IL12RB1: variants seen among roughly 807,000 people sequenced by gnomAD.
The protein encoded by IL12RB1 is interleukin-12 receptor subunit beta-1.
A neutral mutation model predicts 94.4 loss-of-function variants in IL12RB1; 64 were observed. The ratio of observed to expected loss-of-function variants is 0.68; its 90% CI spans 0.55 to 0.83. The LOEUF (loss-of-function observed/expected upper bound fraction) is 0.83. IL12RB1 is among the 40% of genes least tolerant of loss of function. The probability of loss-of-function intolerance (pLI) is 0.00; values close to 1 mark genes in which losing one functional copy is unlikely to be tolerated. For missense variants in IL12RB1, 814 were observed against 855.6 expected (o/e 0.95, Z 0.61); for synonymous variants, 362 against 355.5 (o/e 1.02, Z -0.21).
intron 1 of IL12RB1, chr19:18,098,737 C>G (rs570862785): frequency 2.2e-6 from 1 of 456,690 alleles, no homozygotes; most frequent in East Asian, 6.9e-5. Context: ...GGTAGGGAAC[C>G]TGGGATTCAG....
At chr19:18,098,644 TAAGAA>T (rs1029750766) in intron 1 of IL12RB1, 11 of 452,068 alleles carry the variant, frequency 2.4e-5, no homozygotes, top group African/African-American at 6.0e-5. Flanking sequence ...GTCCCCATTA[TAAGAA>T]AAGAAAAACA....
chr19:18,059,833 G>GGC, intron 16 of IL12RB1, 61 bp downstream of exon 16: 1 of 976,022 alleles, frequency 1.0e-6, no homozygotes, highest in Non-Finnish European at 1.6e-6. Context: ...TGGATGTCTA[G>GGC]CCCCCCCACC....
At chr19:18,079,006 C>T (rs1157786984) in intron 4 of IL12RB1, among the ~76,000 whole-genome samples, 2 of 151,924 alleles carry the variant, frequency 1.3e-5, no homozygotes, top group Non-Finnish European at 2.9e-5. Context: ...TTCAAGACCA[C>T]CCTGGCCAAC....
intron 12 of IL12RB1, among the ~76,000 whole-genome samples, chr19:18,064,899 C>T (rs528395861): frequency 3.3e-5 from 5 of 152,280 alleles, no homozygotes; most frequent in South Asian, 2.1e-4. Context: ...CCATAAGACA[C>T]GCCCACCAGT....
intron 9 of IL12RB1, among the ~76,000 whole-genome samples, chr19:18,070,135 G>C (rs1474947306): frequency 6.6e-6 from 1 of 152,096 alleles, no homozygotes; most frequent in East Asian, 1.9e-4. Context: ...GCCCAGGCTG[G>C]TCTCGAACTC....
intron 2 of IL12RB1, chr19:18,083,186 C>T (rs536273322): frequency 9.4e-5 from 57 of 606,320 alleles, no homozygotes; most frequent in South Asian, 7.8e-4. Flanking sequence ...CCAATCTGAA[C>T]GGACACAGAC....
intron 1 of IL12RB1, among the ~76,000 whole-genome samples, chr19:18,097,496 C>T (rs1405313368): frequency 6.6e-6 from 1 of 152,196 alleles, no homozygotes; most frequent in African/African-American, 2.4e-5. Flanking sequence ...CTGCGCCCGG[C>T]CAATGCGCTG....
chr19:18,069,836 G>A (rs391410), intron 9 of IL12RB1, 123 bp from the exon 10 acceptor site: 215,368 of 739,282 alleles, frequency 0.29, 32,835 homozygotes, highest in East Asian at 0.39. Flanking sequence ...AGGGCCAGGG[G>A]TGTCTGTGTT....
At chr19:18,081,512 C>T (rs1300069167) in intron 3 of IL12RB1, among the ~76,000 whole-genome samples, 1 of 151,844 alleles carries the variant, frequency 6.6e-6, no homozygotes, top group Non-Finnish European at 1.5e-5. Context: ...AAGGACTGCA[C>T]CACACAGCGA....
chr19:18,066,726 C>T, intron 11 of IL12RB1, 29 bp from the exon 12 acceptor site: 1 of 1,592,710 alleles, frequency 6.3e-7, no homozygotes, highest in Non-Finnish European at 8.6e-7. Context: ...TCATAGTCAA[C>T]ACCAAGAATG....
intron 12 of IL12RB1, among the ~76,000 whole-genome samples, chr19:18,065,673 G>C (rs566544564): frequency 5.0e-4 from 76 of 152,162 alleles, no homozygotes; most frequent in African/African-American, 1.8e-3. Context: ...ACAAAAATTT[G>C]CCAGGCATGG....
chr19:18,075,607 G>C, intron 7 of IL12RB1, 142 bp downstream of exon 7: 1 of 760,418 alleles, frequency 1.3e-6, no homozygotes, highest in Non-Finnish European at 2.4e-6. Flanking sequence ...ATGTTGCCCG[G>C]GCTGGTCTCA....
intron 1 of IL12RB1, 104 bp from the exon 2 acceptor site, chr19:18,083,595 C>T: frequency 9.0e-7 from 1 of 1,110,554 alleles, no homozygotes; most frequent in Non-Finnish European, 1.3e-6. Flanking sequence ...GCCCTCCCAC[C>T]CACCCACTTT....
At chr19:18,093,046 T>C (rs1378921598) in intron 1 of IL12RB1, among the ~76,000 whole-genome samples, 6 of 152,024 alleles carry the variant, frequency 3.9e-5, no homozygotes, top group East Asian at 3.9e-4. Context: ...GGCTCATGCC[T>C]GTAATCCTAG....
intron 7 of IL12RB1, among the ~76,000 whole-genome samples, chr19:18,074,750 C>G (rs1378658546): frequency 6.8e-6 from 1 of 146,928 alleles, no homozygotes; most frequent in Non-Finnish European, 1.5e-5. Context: ...AGTCTCAAAA[C>G]AAAACAAAAA....
At chr19:18,082,805 G>A (rs933098421) in intron 2 of IL12RB1, among the ~76,000 whole-genome samples, 19 of 152,230 alleles carry the variant, frequency 1.2e-4, no homozygotes, top group African/African-American at 2.6e-4. Flanking sequence ...GGCCGGGCAC[G>A]GTGGCTCATT....
intron 4 of IL12RB1, among the ~76,000 whole-genome samples, chr19:18,080,620 G>A (rs950189724): frequency 2.0e-5 from 3 of 152,166 alleles, no homozygotes; most frequent in Admixed American, 6.6e-5. Flanking sequence ...AGAGAAACCA[G>A]AAGCAATCTA....
rs1407638411 is a variant in IL12RB1, at chr19:18,072,295, C to T, written c.838G>A (p.Val280Ile). The change falls in exon 9 of 17, where the codon GTC becomes ATC. Residue 280 changes from valine (V) to isoleucine (I), a missense_variant. Transcript: ENST00000593993. ...ATGTGGAGCTGTAGTCGGTAAGTGA[C>T]CTCCGTGCCAGGCGCCAGCCCTTGA... ...GCQGLAPGTE[V>I]TYRLQLHMLS... 1.2e-6 allele frequency: 2 copies of T among 1,614,082 alleles called. No homozygotes were observed. Among genetic ancestry groups the T allele is most frequent in the South Asian group, 2.2e-5 (2 of 91,058 alleles).
upstream of IL12RB1, among the ~76,000 whole-genome samples, chr19:18,091,871 T>TC (rs1446304749): frequency 3.4e-5 from 5 of 147,500 alleles, no homozygotes; most frequent in East Asian, 2.0e-4. Flanking sequence ...GGCTTTTCTT[T>TC]TTTTTTTTTT....
Sources: gnomAD v4.1 joint callset for allele counts (sites outside exome capture counted in the v4.1 genomes callset) on GRCh38, gnomAD v4.1.1 for gene constraint, MANE v1.5 for transcripts, NCBI Gene and HGNC (gene_info 2026-07-23, HGNC 2026-07-21) for gene names.